Variants in OPCML observed in about 807,000 individuals in gnomAD.
OPCML encodes opioid-binding protein/cell adhesion molecule.
A neutral mutation model predicts 37.8 loss-of-function variants in OPCML; 13 were observed. The observed-to-expected ratio is 0.34, with a 90% CI of 0.22 to 0.55. OPCML has a LOEUF of 0.55. OPCML is among the 20% of genes least tolerant of loss of function. OPCML has a pLI of 0.91. For synonymous variants in OPCML, 176 were observed against 168.8 expected (o/e 1.04, Z -0.33); for missense variants, 341 against 435.6 (o/e 0.78, Z 1.93).
chr11:133,062,815 G>T (rs1208132167), intron 1 of OPCML, among the ~76,000 whole-genome samples: 1 of 152,182 alleles, frequency 6.6e-6, no homozygotes, highest in African/African-American at 2.4e-5. Flanking sequence ...CATCGTTCCC[G>T]CCCCTGAGCC....
intron 1 of OPCML, among the ~76,000 whole-genome samples, chr11:133,525,175 T>C (rs1445230596): frequency 1.3e-5 from 2 of 152,168 alleles, no homozygotes; most frequent in Non-Finnish European, 2.9e-5. Context: ...ACTTGCACAA[T>C]AAACAGGGAA....
intron 1 of OPCML, among the ~76,000 whole-genome samples, chr11:133,445,758 C>A (rs1001061985): frequency 6.6e-6 from 1 of 152,174 alleles, no homozygotes; most frequent in South Asian, 2.1e-4. Flanking sequence ...CTCCAGAGTA[C>A]ATTTTAAGCA....
intron 2 of OPCML, among the ~76,000 whole-genome samples, chr11:132,765,764 TC>T (rs1946421336): frequency 6.6e-6 from 1 of 152,202 alleles, no homozygotes; most frequent in South Asian, 2.1e-4. Flanking sequence ...ATTTCTGCTT[TC>T]TAGAGACAGT....
At chr11:132,532,786 AT>A (rs1333441089) in intron 3 of OPCML, among the ~76,000 whole-genome samples, 1 of 152,150 alleles carries the variant, frequency 6.6e-6, no homozygotes, top group African/African-American at 2.4e-5. Flanking sequence ...GGAGAAGCCC[AT>A]CTTCACCGTC....
chr11:133,226,860 T>C (rs1940061474), intron 1 of OPCML, among the ~76,000 whole-genome samples: 1 of 152,104 alleles, frequency 6.6e-6, no homozygotes. Flanking sequence ...AAGGACCACG[T>C]CCACCCAGCA....
chr11:133,040,565 G>T (rs1312833847), intron 1 of OPCML, among the ~76,000 whole-genome samples: 1 of 152,158 alleles, frequency 6.6e-6, no homozygotes, highest in Admixed American at 6.5e-5. Flanking sequence ...GTCTGAAAAC[G>T]GCTTTACTGA....
intron 4 of OPCML, among the ~76,000 whole-genome samples, chr11:132,443,211 G>A (rs550398645): frequency 6.6e-6 from 1 of 152,286 alleles, no homozygotes; most frequent in African/African-American, 2.4e-5. Flanking sequence ...GTGCCACCAA[G>A]GAAAAGAACA....
chr11:132,674,856 C>T (rs1942630848), intron 2 of OPCML, among the ~76,000 whole-genome samples: 1 of 152,136 alleles, frequency 6.6e-6, no homozygotes, highest in Non-Finnish European at 1.5e-5. Context: ...TTCCTTGTAG[C>T]AGAAATAAAT....
intron 3 of OPCML, among the ~76,000 whole-genome samples, chr11:132,640,248 C>A (rs1188033154): frequency 6.6e-6 from 1 of 152,124 alleles, no homozygotes; most frequent in African/African-American, 2.4e-5. Flanking sequence ...AGGCAATGAG[C>A]AGTGTGGGTG....
chr11:133,003,747 T>C (rs985240133), intron 1 of OPCML: 2 of 985,306 alleles, frequency 2.0e-6, no homozygotes, highest in African/African-American at 3.5e-5. Flanking sequence ...CTGGAGGCCA[T>C]GGAATAGGCT....
chr11:132,679,056 A>T (rs1392076679), intron 2 of OPCML, among the ~76,000 whole-genome samples: 1 of 152,184 alleles, frequency 6.6e-6, no homozygotes, highest in Non-Finnish European at 1.5e-5. Context: ...CTATTAAGGC[A>T]GATATTAAAA....
At chr11:132,663,261 C>T (rs920914311) in intron 2 of OPCML, among the ~76,000 whole-genome samples, 4 of 152,286 alleles carry the variant, frequency 2.6e-5, no homozygotes, top group Admixed American at 2.0e-4. Flanking sequence ...GTCATCAATA[C>T]ATATTTATAG....
In OPCML at chr11:133,231,178, A is replaced by C. The variant is rs769626381; in HGVS notation, c.62-288168T>G. 1.4e-4 allele frequency among the ~76,000 whole-genome samples: 21 copies of C among 152,224 alleles called. 1 individual carries two copies. Among genetic ancestry groups the C allele is most frequent in the Admixed American group, 1.0e-3 (16 of 15,292 alleles). On this transcript the variant is annotated intron_variant, in intron 1 of 7. Transcript: ENST00000524381. Reference sequence around the variant, plus strand: ...CTTCAAATGGAGATTTCATTGAAGCATAATCAGCCACCTAAGGAGTAGCTG... The same window carrying C: ...CTTCAAATGGAGATTTCATTGAAGCCTAATCAGCCACCTAAGGAGTAGCTG...
chr11:132,667,248 A>G (rs565332919), intron 2 of OPCML, among the ~76,000 whole-genome samples: 1 of 152,304 alleles, frequency 6.6e-6, no homozygotes, highest in East Asian at 1.9e-4. Flanking sequence ...TCATTTTGCA[A>G]ATATTTACTG....
chr11:132,615,149 C>A (rs1938921261), intron 3 of OPCML, among the ~76,000 whole-genome samples: 1 of 152,124 alleles, frequency 6.6e-6, no homozygotes, highest in Non-Finnish European at 1.5e-5. Flanking sequence ...TGGGATAGAG[C>A]AGAGGAGATA....
chr11:132,555,340 G>A (rs2096392860), intron 3 of OPCML, among the ~76,000 whole-genome samples: 1 of 152,086 alleles, frequency 6.6e-6, no homozygotes, highest in Non-Finnish European at 1.5e-5. Flanking sequence ...GCAGGTGAGA[G>A]AGAATGAGAA....
Position 133,125,129 on chromosome 11 carries a change from G to A in OPCML, c.62-182119C>T, listed in dbSNP as rs140138925. On this transcript the variant is annotated intron_variant, in intron 1 of 7. Coordinates refer to ENST00000524381, the MANE Select transcript of OPCML (RefSeq NM_001012393.5). ...TACAATCCTGGTTCTAAGAAGCAAC[G>A]TCGGGAGGTAGCTCCTTTCTCAATG... is the stretch of plus-strand genomic sequence containing the variant. Among the ~76,000 whole-genome samples the A allele has an allele frequency of 1.1e-3, 165 of 152,290 alleles. 1 individual carries two copies. The highest frequency in any genetic ancestry group is 2.4e-3 in the African/African-American group (98 of 41,556).
intron 2 of OPCML, among the ~76,000 whole-genome samples, chr11:132,666,727 G>T (rs968145908): frequency 2.6e-5 from 4 of 152,232 alleles, no homozygotes; most frequent in Non-Finnish European, 1.5e-5. Flanking sequence ...GCCATGTGGG[G>T]TCTGGGATTG....
At chr11:133,481,966 T>A (rs1044086086) in intron 1 of OPCML, among the ~76,000 whole-genome samples, 17 of 152,010 alleles carry the variant, frequency 1.1e-4, no homozygotes, top group Admixed American at 5.2e-4. Flanking sequence ...GGGCTTCGAG[T>A]GTCATGACAA....
Sources: allele counts gnomAD v4.1 joint callset (sites outside exome capture counted in the v4.1 genomes callset), GRCh38; gene constraint gnomAD v4.1.1; transcripts MANE v1.5; gene names NCBI Gene and HGNC (gene_info 2026-07-23, HGNC 2026-07-21).